MME: variants seen among roughly 807,000 people sequenced by gnomAD.
MME encodes membrane metalloendopeptidase.
Under a neutral mutation model 113.2 loss-of-function variants are expected in MME, and 98 were observed. The ratio of observed to expected loss-of-function variants is 0.87; its 90% CI spans 0.74 to 1.02. MME has a LOEUF of 1.02. Among genes scored for constraint, MME ranks in the 50% least tolerant of loss-of-function variants. The pLI is 0.00. For synonymous variants in MME, 292 were observed against 300.6 expected, an observed-to-expected ratio of 0.97 and a Z score of 0.30; for missense variants, 836 against 896.0, an observed-to-expected ratio of 0.93 and a Z score of 0.86.
intron 18 of MME, among the ~76,000 whole-genome samples, chr3:155,168,288 T>C (rs750303823): frequency 1.3e-5 from 2 of 152,208 alleles, no homozygotes; most frequent in Non-Finnish European, 2.9e-5. Flanking sequence ...TCTGGGTCAA[T>C]GCTGAGAAGC....
At chr3:155,050,720 T>C (rs559496013) in intron 1 of MME, among the ~76,000 whole-genome samples, 3 of 152,202 alleles carry the variant, frequency 2.0e-5, no homozygotes, top group Non-Finnish European at 4.4e-5. Flanking sequence ...CCTTATAGAC[T>C]CTGGATATTA....
intron 1 of MME, among the ~76,000 whole-genome samples, chr3:155,053,094 C>T (rs1713813726): frequency 6.6e-6 from 1 of 152,120 alleles, no homozygotes; most frequent in African/African-American, 2.4e-5. Context: ...TTACTATCAG[C>T]ATTTTGGTTA....
chr3:155,084,387 T>A, intron 2 of MME, 60 bp downstream of exon 2: 1 of 1,548,812 alleles, frequency 6.5e-7, no homozygotes. Context: ...TCTTCCTCCA[T>A]GCTTTTACCA....
chr3:155,047,616 T>C (rs998814678), intron 1 of MME, among the ~76,000 whole-genome samples: 1 of 152,226 alleles, frequency 6.6e-6, no homozygotes, highest in Non-Finnish European at 1.5e-5. Flanking sequence ...CATGTTGCCT[T>C]AGTTATATTA....
chr3:155,084,003 G>A (rs1185991763), intron 1 of MME, 155 bp from the exon 2 acceptor site: 2 of 664,844 alleles, frequency 3.0e-6, no homozygotes, highest in Non-Finnish European at 5.2e-6. Context: ...TATATACTTT[G>A]CATTCAGCAA....
intron 22 of MME, among the ~76,000 whole-genome samples, chr3:155,177,937 T>C (rs1212153118): frequency 6.6e-6 from 1 of 151,938 alleles, no homozygotes; most frequent in Non-Finnish European, 1.5e-5. Context: ...CCAGCTGGAG[T>C]CAGTGGTTCC....
chr3:155,113,665 C>G (rs1288607465), intron 3 of MME, among the ~76,000 whole-genome samples: 1 of 152,022 alleles, frequency 6.6e-6, no homozygotes, highest in African/African-American at 2.4e-5. Flanking sequence ...TAGAATATAT[C>G]AAGATGAAGA....
intron 1 of MME, among the ~76,000 whole-genome samples, chr3:155,037,201 T>C (rs1576663048): frequency 6.6e-6 from 1 of 152,212 alleles, no homozygotes; most frequent in Non-Finnish European, 1.5e-5. Context: ...TGGGTTTCCT[T>C]ACCATCCATT....
At chr3:155,110,083 G>A (rs1425370937) in intron 3 of MME, among the ~76,000 whole-genome samples, 1 of 152,238 alleles carries the variant, frequency 6.6e-6, no homozygotes, top group East Asian at 1.9e-4. Context: ...CAGTGGAGAG[G>A]CTGTGGCTGC....
At chr3:155,053,187 C>A (rs75631628) in intron 1 of MME, among the ~76,000 whole-genome samples, 6,647 of 152,272 alleles carry the variant, frequency 0.044, 158 homozygotes, top group African/African-American at 0.052. Context: ...CGGTTCCAGT[C>A]TCTGCCCATT....
intron 9 of MME, among the ~76,000 whole-genome samples, chr3:155,138,519 ACAGT>A (rs1327107857): frequency 6.6e-6 from 1 of 152,194 alleles, no homozygotes; most frequent in Admixed American, 6.5e-5. Context: ...TCTACCATTT[ACAGT>A]CAAACTGTTG....
Position 155,084,448 on chromosome 3 carries a change from G to C in MME, c.160+121G>C. 3.1e-6 allele frequency: 3 copies of C among 974,354 alleles called. No homozygotes were observed. In the South Asian group the frequency reaches 4.2e-5, roughly 13 times the overall value. 60.4% of individuals were successfully genotyped at this position (974,354 alleles called of 1,614,324 possible). A position where few individuals can be genotyped will look rare whatever the true frequency, so the allele number is the denominator to read the frequency against. On this transcript the variant is annotated intron_variant, in intron 2 of 22. Coordinates refer to ENST00000360490, the MANE Select transcript of MME (RefSeq NM_007289.4). ...AGAGGCACTTAAAGACTGACAAAGA[G>C]ATTCATTTATAAAATGTAACATCAA...
At chr3:155,143,615 A>G in intron 13 of MME, 44 bp downstream of exon 13, 1 of 1,602,500 alleles carries the variant, frequency 6.2e-7, no homozygotes, top group African/African-American at 1.3e-5. Context: ...ACAGGACACT[A>G]TCAGTTTGTT....
At chr3:155,154,473 G>C (rs1722172213) in intron 16 of MME, among the ~76,000 whole-genome samples, 1 of 152,158 alleles carries the variant, frequency 6.6e-6, no homozygotes, top group Admixed American at 6.6e-5. Context: ...TGAGTAGGCT[G>C]TGCTAGACTG....
chr3:155,084,594 G>T (rs1229604407), intron 2 of MME, among the ~76,000 whole-genome samples: 1 of 152,114 alleles, frequency 6.6e-6, no homozygotes, highest in African/African-American at 2.4e-5. Flanking sequence ...GGTTTTATTT[G>T]ATTAAAATAT....
intron 1 of MME, among the ~76,000 whole-genome samples, chr3:155,059,813 T>C (rs1714075104): frequency 6.6e-6 from 1 of 152,198 alleles, no homozygotes; most frequent in Non-Finnish European, 1.5e-5. Context: ...GAATTTTATA[T>C]AGTCTAATCA....
intron 8 of MME, among the ~76,000 whole-genome samples, chr3:155,131,301 CTTTAAACTGCTCGGCCAATA>C (rs1720125970): frequency 6.6e-6 from 1 of 152,148 alleles, no homozygotes; most frequent in South Asian, 2.1e-4. Context: ...AGTTTGTGTA[CTTTAAACTGCTCGGCCAATA>C]TGTGCCTCAG....
At chr3:155,133,871 A>C (rs1343745367) in intron 8 of MME, among the ~76,000 whole-genome samples, 1 of 149,120 alleles carries the variant, frequency 6.7e-6, no homozygotes, top group Non-Finnish European at 1.5e-5. Context: ...AATTCGAACT[A>C]CCATTTTGTT....
intron 1 of MME, chr3:155,083,834 G>T (rs1715398222): frequency 3.2e-6 from 1 of 312,816 alleles, no homozygotes; most frequent in Non-Finnish European, 6.2e-6. Context: ...GCAATTATTT[G>T]CTTATAAACT....
Sources: allele counts gnomAD v4.1 joint callset (sites outside exome capture counted in the v4.1 genomes callset), GRCh38; gene constraint gnomAD v4.1.1; transcripts MANE v1.5; gene names NCBI Gene and HGNC (gene_info 2026-07-23, HGNC 2026-07-21).